The following ZNF487 variants were observed in gnomAD, a reference collection of about 807,000 sequenced individuals.
ZNF487 encodes the protein KRAB domain only 1.
A neutral mutation model predicts 3.0 loss-of-function variants in ZNF487; 4 were observed. That is an observed-to-expected ratio of 1.35 (90% CI 0.66 to 3.08). The LOEUF (loss-of-function observed/expected upper bound fraction) is 3.08. ZNF487 is among the 30% of genes most tolerant of loss of function. The probability of loss-of-function intolerance (pLI) is 0.01; values close to 1 mark genes in which losing one functional copy is unlikely to be tolerated. For missense variants in ZNF487, 146 were observed against 98.7 expected, an observed-to-expected ratio of 1.48 and a Z score of -2.03; for synonymous variants, 55 against 34.6, an observed-to-expected ratio of 1.59 and a Z score of -2.06.
At chr10:43,447,200 C>A (rs1839843281) in intron 1 of ZNF487, among the ~76,000 whole-genome samples, 2 of 151,390 alleles carry the variant, frequency 1.3e-5, no homozygotes, top group South Asian at 4.2e-4. Context: ...GAGGGGGAGA[C>A]CGTGGAAAGC....
At chr10:43,474,356 AAGCAGG>A (rs1841016658) in intron 1 of ZNF487, among the ~76,000 whole-genome samples, 1 of 151,762 alleles carries the variant, frequency 6.6e-6, no homozygotes, top group South Asian at 2.1e-4. Flanking sequence ...CAGGAGGCTG[AAGCAGG>A]AGAATTGCTT....
downstream of ZNF487, among the ~76,000 whole-genome samples, chr10:43,486,682 T>C (rs968098450): frequency 1.3e-5 from 2 of 152,230 alleles, no homozygotes; most frequent in African/African-American, 4.8e-5. Flanking sequence ...TATCACACAA[T>C]GGTAAATAGC....
Position 43,482,512 on chromosome 10 carries a change from GA to G in ZNF487, c.*596del, listed in dbSNP as rs1411004050. 4.1e-5 allele frequency: 20 copies of G among 482,064 alleles called. No homozygotes were observed. The highest frequency in any genetic ancestry group is 3.4e-4 in the African/African-American group (17 of 50,554). The allele number at this position is 482,064 out of a possible 1,614,324, so 29.9% of individuals were successfully genotyped here. ...AAAACCTATGAATGTAATGAATGTG[GA>G]AAAAACTTCTGTGAGAAGTCAAATC... On this transcript the variant is annotated 3_prime_UTR_variant, in exon 4 of 4. Transcript: ENST00000437590.
At chr10:43,446,283 C>T (rs965575403) in intron 1 of ZNF487, among the ~76,000 whole-genome samples, 85 of 150,844 alleles carry the variant, frequency 5.6e-4, no homozygotes, top group Middle Eastern at 3.5e-3. Flanking sequence ...ACCTCCCAGA[C>T]GGGGTGGCTG....
intron 3 of ZNF487, among the ~76,000 whole-genome samples, chr10:43,481,189 G>A (rs1841340356): frequency 6.6e-6 from 1 of 151,940 alleles, no homozygotes; most frequent in African/African-American, 2.4e-5. Flanking sequence ...AAATTAGCCA[G>A]GCATGGTGGT....
At chr10:43,437,028 G>A (rs1162534789), upstream of ZNF487, 2 of 364,506 alleles carry the variant, frequency 5.5e-6, no homozygotes, top group Admixed American at 6.4e-5. Context: ...CGCGGGAGCA[G>A]CAAGGCTTCC....
intron 1 of ZNF487, among the ~76,000 whole-genome samples, chr10:43,463,560 T>C (rs1840514903): frequency 6.6e-6 from 1 of 151,734 alleles, no homozygotes; most frequent in African/African-American, 2.4e-5. Flanking sequence ...AAATTTTTTT[T>C]TTTTGGTGGA....
At chr10:43,498,898 C>T in the ZNF487 span, among the ~76,000 whole-genome samples, 1 of 150,094 alleles carries the variant, frequency 6.7e-6, no homozygotes, top group African/African-American at 2.5e-5. Context: ...GCCGAGATCG[C>T]GCCACTGCAC....
chr10:43,440,602 G>C (rs1839563347), intron 1 of ZNF487, among the ~76,000 whole-genome samples: 1 of 151,552 alleles, frequency 6.6e-6, no homozygotes, highest in Non-Finnish European at 1.5e-5. Context: ...AGGCAGCAGT[G>C]AGCTGAGATT....
chr10:43,459,720 T>C (rs1266859256), intron 1 of ZNF487, among the ~76,000 whole-genome samples: 1 of 151,784 alleles, frequency 6.6e-6, no homozygotes, highest in Non-Finnish European at 1.5e-5. Context: ...GGCTAATTTG[T>C]TTATTTTTTG....
intron 1 of ZNF487, 106 bp from the exon 2 acceptor site, chr10:43,475,615 T>C (rs1841068104): frequency 1.4e-6 from 1 of 700,000 alleles, no homozygotes. Flanking sequence ...TGTAGCATTT[T>C]CTCTTCAACT....
At chr10:43,500,024 C>T in the ZNF487 span, among the ~76,000 whole-genome samples, 1 of 152,134 alleles carries the variant, frequency 6.6e-6, no homozygotes, top group Non-Finnish European at 1.5e-5. Context: ...GCTGGGATTA[C>T]AGGCATGCAC....
intron 1 of ZNF487, among the ~76,000 whole-genome samples, chr10:43,473,259 T>G (rs1840970917): frequency 2.0e-5 from 3 of 150,692 alleles, no homozygotes; most frequent in Admixed American, 1.3e-4. Flanking sequence ...CTAATTTTTT[T>G]GTATTATTAG....
At chr10:43,473,150 C>T (rs1479669948) in intron 1 of ZNF487, among the ~76,000 whole-genome samples, 2 of 150,954 alleles carry the variant, frequency 1.3e-5, no homozygotes, top group Non-Finnish European at 2.9e-5. Context: ...CTTGTGCCCC[C>T]AGACTGGAGT....
chr10:43,445,062 T>C (rs1031469748), intron 1 of ZNF487, among the ~76,000 whole-genome samples: 2 of 152,204 alleles, frequency 1.3e-5, no homozygotes, highest in African/African-American at 4.8e-5. Context: ...TAGTTGCCTT[T>C]AAGTTCAGTA....
chr10:43,479,958 CTT>C (rs1564428597), intron 3 of ZNF487, among the ~76,000 whole-genome samples: 12 of 36,356 alleles, frequency 3.3e-4, no homozygotes, highest in South Asian at 1.4e-3. Context: ...ACCTGACTCT[CTT>C]TCTTTCTTTC....
chr10:43,501,951 GAA>G, the ZNF487 span, among the ~76,000 whole-genome samples: 10 of 152,252 alleles, frequency 6.6e-5, no homozygotes, highest in African/African-American at 2.4e-4. Flanking sequence ...ATTGTTGAAA[GAA>G]ACTAAATACT....
At chr10:43,466,928 G>A (rs1840727112) in intron 1 of ZNF487, among the ~76,000 whole-genome samples, 1 of 151,798 alleles carries the variant, frequency 6.6e-6, no homozygotes, top group South Asian at 2.1e-4. Flanking sequence ...GATTGCAATG[G>A]CGTGATCTTG....
chr10:43,481,112 G>A (rs1841334901), intron 3 of ZNF487, among the ~76,000 whole-genome samples: 1 of 151,844 alleles, frequency 6.6e-6, no homozygotes, highest in African/African-American at 2.4e-5. Context: ...TTACAGCCTG[G>A]GCAACAGGAG....
Sources: allele counts gnomAD v4.1 joint callset (sites outside exome capture counted in the v4.1 genomes callset), GRCh38; gene constraint gnomAD v4.1.1; transcripts MANE v1.5; gene names NCBI Gene and HGNC (gene_info 2026-07-23, HGNC 2026-07-21).